Variants in LONP1 observed in about 807,000 individuals in gnomAD.
The protein encoded by LONP1 is lon protease homolog, mitochondrial.
A neutral mutation model predicts 98.5 loss-of-function variants in LONP1; 31 were observed. The ratio of observed to expected loss-of-function variants is 0.31; its 90% CI spans 0.24 to 0.42. The LOEUF is 0.42. LONP1 is among the 20% of genes least tolerant of loss of function. LONP1 has a pLI of 1.00. For synonymous variants in LONP1, 781 were observed against 594.7 expected, an observed-to-expected ratio of 1.31 and a Z score of -4.56; for missense variants, 1,336 against 1,350.6, an observed-to-expected ratio of 0.99 and a Z score of 0.17.
Position 5,720,120 on chromosome 19 carries a change from T to C in LONP1, c.13A>G (p.Thr5Ala). 2 of 1,430,028 alleles carry C rather than the reference T, an allele frequency of 1.4e-6. No individual in the cohort carries two copies. Among genetic ancestry groups the C allele is most frequent in the South Asian group, 2.9e-5 (2 of 69,752 alleles). The allele number at this position is 1,430,028 out of a possible 1,614,324, so 88.6% of individuals were successfully genotyped here. ...GCTCCCCACAGTCGCACGTAGCCAGTGCTCGCCGCCATAGCCCGGCCATAC... is the reference window on the plus strand; with the variant it reads ...GCTCCCCACAGTCGCACGTAGCCAGCGCTCGCCGCCATAGCCCGGCCATAC... MAAS[T>A]GYVRLWGAAR... Residue 5 changes from threonine to alanine, a missense_variant, in exon 1 of 18, where the codon ACT becomes GCT. Coordinates refer to ENST00000360614, the MANE Select transcript of LONP1 (RefSeq NM_004793.4).
intron 5 of LONP1, 32 bp downstream of exon 5, chr19:5,708,310 C>T: frequency 6.3e-7 from 1 of 1,595,220 alleles, no homozygotes; most frequent in Admixed American, 1.7e-5. Context: ...AGAGATGCCC[C>T]CGCCTGGCCA....
At position 5,699,135 on chromosome 19, in the gene LONP1, C is replaced by G. The variant is rs2054996090; in HGVS notation, c.1577G>C (p.Gly526Ala). ...GCGAGCAATGCTGGTCTTACCCACG[C>G]CAGGGGGGCCATAGAAGCAGAGGAT... ...GKILCFYGPP[G>A]VGKTSIARSI... The change falls in exon 10 of 18, where the codon GGC (glycine) becomes GCC (alanine). Residue 526 changes from glycine (G) to alanine (A), a missense_variant. Coordinates refer to ENST00000360614, the MANE Select transcript of LONP1 (RefSeq NM_004793.4). 1 of 1,564,814 alleles carries G rather than the reference C, an allele frequency of 6.4e-7. No homozygotes were observed. Among genetic ancestry groups the G allele is most frequent in the Non-Finnish European group, 8.7e-7 (1 of 1,149,112 alleles).
intron 8 of LONP1, among the ~76,000 whole-genome samples, chr19:5,702,191 C>T (rs62107405): frequency 2.8e-4 from 40 of 142,650 alleles, no homozygotes; most frequent in Middle Eastern, 9.3e-3. Context: ...CCGCCCCCTC[C>T]GGGAGGGAGG....
At chr19:5,700,996 C>T in intron 8 of LONP1, 69 bp from the exon 9 acceptor site, 1 of 1,590,336 alleles carries the variant, frequency 6.3e-7, no homozygotes, top group Middle Eastern at 1.7e-4. Context: ...CTGGACTTGG[C>T]TGGGTGGTTG....
chr19:5,696,691 G>C lies in LONP1; in HGVS notation c.1752C>G (p.Asn584Lys). 1 of 1,613,672 alleles carries C rather than the reference G, an allele frequency of 6.2e-7. No individual in the cohort carries two copies. Among genetic ancestry groups the C allele is most frequent in the Middle Eastern group, 1.6e-4 (1 of 6,062 alleles). Residue 584 changes from asparagine to lysine, a missense_variant, in exon 11 of 18, where the codon AAC (asparagine) becomes AAG (lysine). Asn to Lys is a moderately conservative substitution (Grantham distance 94). Transcript: ENST00000360614. The part of the protein sequence containing the change: ...IQCLKKTKTE[N>K]PLILIDEVDK... ...GCACCTCGTCGATGAGGATCAGGGG[G>C]TTCTCCGTCTTGGTCTTCTTCAAAC...
In LONP1 at chr19:5,711,807, A is replaced by G. The variant is rs369557030; in HGVS notation, c.834T>C (p.Val278=). 28 of 1,611,816 alleles carry G rather than the reference A, an allele frequency of 1.7e-5. No homozygotes were observed. Among genetic ancestry groups the G allele is most frequent in the African/African-American group, 1.5e-4 (11 of 74,898 alleles). ...AEVLMVEVEN[V]VHEDFQVTEE... is the part of the protein sequence containing the mutation. The stretch of plus-strand genomic sequence containing the variant: ...CCGTGACCTGGAAGTCCTCGTGGAC[A>G]ACGTTCTCTACCTCCACCATGAGCA... The change falls in exon 4 of 18, where the codon GTT becomes GTC. Residue 278 remains valine (V), a synonymous_variant. Coordinates refer to ENST00000360614, the MANE Select transcript of LONP1 (RefSeq NM_004793.4).
Position 5,707,847 on chromosome 19 carries a change from C to G in LONP1, c.933-21G>C, listed in dbSNP as rs1275776528. On this transcript the variant is annotated intron_variant, in intron 5 of 17. Coordinates refer to ENST00000360614, the MANE Select transcript of LONP1 (RefSeq NM_004793.4). ...ACTCCCTGGGGGACAAAGGGAGCTG[C>G]CTCGGTGGCCAGGGCCTCACGCTCT... The G allele has an allele frequency of 4.3e-6, 7 of 1,611,492 alleles. No homozygotes were observed. The East Asian group carries it at 1.3e-4, about 31-fold the overall frequency.
chr19:5,693,366 T>C lies in LONP1; in HGVS notation c.2635A>G (p.Met879Val), dbSNP rs776983324. 1 of 1,613,552 alleles carries C rather than the reference T, an allele frequency of 6.2e-7. No homozygotes were observed. The highest frequency in any genetic ancestry group is 8.5e-7 in the Non-Finnish European group (1 of 1,179,908). The change falls in exon 17 of 18, where the codon ATG becomes GTG. Residue 879 changes from methionine (M) to valine (V), a missense_variant. Met to Val is a conservative substitution (Grantham distance 21). This residue lies in a region of LONP1 where 555 missense variants were observed against 542.6 expected (regional missense o/e 1.02). Transcript: ENST00000360614. ...CCCGTGAGGGAGACTTCGCCAGTCA[T>C]GGCCAGATTCTGCCGGACAGGCCTG... ...MGRPVRQNLA[M>V]TGEVSLTGKI...
intron 4 of LONP1, chr19:5,708,692 C>T (rs891960734): frequency 5.4e-6 from 2 of 368,870 alleles, no homozygotes; most frequent in Admixed American, 4.1e-5. Context: ...AAAAAAGAGA[C>T]TGTGTTTTCT....
intron 7 of LONP1, 45 bp downstream of exon 7, chr19:5,707,015 A>C (rs750459898): frequency 6.5e-7 from 1 of 1,528,276 alleles, no homozygotes; most frequent in South Asian, 1.1e-5. Flanking sequence ...ACGTGGCCCG[A>C]GGGGAAGGCC....
rs1282724617 is a variant in LONP1, at chr19:5,705,942, C to T, written c.1197G>A (p.Gln399=). ...QTHRKYLLQE[Q]LKIIKKELGL... ...CCAGCTCCTTCTTGATGATCTTTAG[C>T]TGCTCCTGCAGCAGGTACTTACGGT... The change falls in exon 8 of 18, where the codon CAG becomes CAA. Residue 399 remains glutamine (Q), a synonymous_variant. Transcript: ENST00000360614. 2.5e-5 allele frequency: 41 copies of T among 1,613,834 alleles called. 1 individual carries two copies. Among genetic ancestry groups the T allele is most frequent in the Admixed American group, 2.2e-4 (13 of 60,006 alleles).
rs754095137 is a variant in LONP1 at position 5,692,017 on chromosome 19, G to A, written c.*15C>T. The A allele has an allele frequency of 9.2e-7, 1 of 1,082,832 alleles. No homozygotes were observed. The highest frequency in any genetic ancestry group is 1.3e-6 in the Non-Finnish European group (1 of 758,682). 67.1% of individuals were successfully genotyped at this position (1,082,832 alleles called of 1,614,324 possible). On this transcript the variant is annotated 3_prime_UTR_variant, in exon 18 of 18. Coordinates refer to ENST00000360614, the MANE Select transcript of LONP1 (RefSeq NM_004793.4). ...CAGGGCCTGACATCCGCCGCCTGCA[G>A]TCCCGGGGTGGCCGTCACCGTTCCA...
Position 5,719,760 on chromosome 19 carries a change from G to A in LONP1, c.373C>T (p.Pro125Ser). The change falls in exon 1 of 18, where the codon CCG becomes TCG. Residue 125 changes from proline (P) to serine (S), a missense_variant. By Grantham distance (74) the Pro-to-Ser change is moderately conservative. Around this residue, in one of 5 missense-constraint regions of LONP1, gnomAD observed 457 missense variants for 403.1 expected, o/e 1.13. Transcript: ENST00000360614. The part of the protein sequence containing the change: ...MTIPDVFPHL[P>S]LIAITRNPVF... ...GGGTTGCGGGTGATGGCGATGAGCGGCAGGTGCGGAAACACATCGGGGATC... is the reference window on the plus strand; with the variant it reads ...GGGTTGCGGGTGATGGCGATGAGCGACAGGTGCGGAAACACATCGGGGATC... 6.2e-7 allele frequency: 1 copy of A among 1,613,684 alleles called. No homozygotes were observed. The highest frequency in any genetic ancestry group is 8.5e-7 in the Non-Finnish European group (1 of 1,180,014).
At chr19:5,698,039 G>A in intron 10 of LONP1, among the ~76,000 whole-genome samples, 1 of 141,970 alleles carries the variant, frequency 7.0e-6, no homozygotes, top group Non-Finnish European at 1.5e-5. Flanking sequence ...CCAACCAAGG[G>A]CCTGCAGAAC....
At chr19:5,700,973 GC>G in intron 8 of LONP1, 46 bp from the exon 9 acceptor site, 1 of 1,610,130 alleles carries the variant, frequency 6.2e-7, no homozygotes, top group Non-Finnish European at 8.5e-7. Context: ...CTCACGAGCT[GC>G]CTGTCTCTCT....
rs1314086142 is a variant in LONP1 at position 5,694,857 on chromosome 19, C to A, written c.2058G>T (p.Glu686Asp). The A allele has an allele frequency of 6.2e-7, 1 of 1,602,754 alleles. No homozygotes were observed. The highest frequency in any genetic ancestry group is 1.1e-5 in the South Asian group (1 of 90,882). The change falls in exon 14 of 18, where the codon GAG (glutamate) becomes GAT (aspartate). Residue 686 changes from glutamate (E) to aspartate (D), a missense_variant. Around this residue, in one of 5 missense-constraint regions of LONP1, gnomAD observed 555 missense variants for 542.6 expected, o/e 1.02. Coordinates refer to ENST00000360614, the MANE Select transcript of LONP1 (RefSeq NM_004793.4). The stretch of plus-strand genomic sequence containing the variant: ...CGTCCGATGACAGCTTGGCCTTGCT[C>A]TCATCCAAGCCACACAGGGCGCGAG... ...PQARALCGLD[E>D]SKAKLSSDVL...
rs1034676165 is a variant in LONP1, at chr19:5,707,831, G to C, written c.933-5C>G. 9 of 1,612,680 alleles carry C rather than the reference G, an allele frequency of 5.6e-6. No homozygotes were observed. In the Admixed American group the frequency reaches 1.3e-4, roughly 24 times the overall value. The stretch of plus-strand genomic sequence containing the variant: ...ATCATCTGCAGCACTGACTCCCTGG[G>C]GGACAAAGGGAGCTGCCTCGGTGGC... On this transcript the variant is annotated splice_polypyrimidine_tract_variant and splice_region_variant and intron_variant, in intron 5 of 17. Transcript: ENST00000360614.
At chr19:5,700,730 A>G (rs1599457772) in intron 9 of LONP1, 59 bp downstream of exon 9, 2 of 1,602,638 alleles carry the variant, frequency 1.2e-6, no homozygotes, top group Non-Finnish European at 1.7e-6. Flanking sequence ...ACAGCACACA[A>G]GAGTCCTGGG....
intron 2 of LONP1, 128 bp downstream of exon 2, chr19:5,714,055 T>G: frequency 1.5e-6 from 1 of 670,750 alleles, no homozygotes. Context: ...CTTCTGGCCT[T>G]TATTCTGGAG....
Sources: gnomAD v4.1 joint callset for allele counts (sites outside exome capture counted in the v4.1 genomes callset) on GRCh38, gnomAD v4.1.1 for gene constraint, gnomAD v4.1.1 regional missense constraint, MANE v1.5 for transcripts, NCBI Gene and HGNC (gene_info 2026-07-23, HGNC 2026-07-21) for gene names.